BEND7: variants seen among roughly 807,000 people sequenced by gnomAD.
The protein encoded by BEND7 is BEN domain containing 7, also known as BEN domain-containing protein 7.
Under a neutral mutation model 50.9 loss-of-function variants are expected in BEND7, and 28 were observed. That is an observed-to-expected ratio of 0.55 (90% CI 0.41 to 0.75). BEND7 has a LOEUF of 0.75. Among genes scored for constraint, BEND7 ranks in the 30% least tolerant of loss-of-function variants. The pLI is 0.00. For missense variants in BEND7, 477 were observed against 491.3 expected, an observed-to-expected ratio of 0.97 and a Z score of 0.28; for synonymous variants, 170 against 183.9, an observed-to-expected ratio of 0.92 and a Z score of 0.61.
chr10:13,466,159 C>G (rs983999086), intron 6 of BEND7, among the ~76,000 whole-genome samples: 1 of 151,314 alleles, frequency 6.6e-6, no homozygotes, highest in Non-Finnish European at 1.5e-5. Context: ...ATGGTTACGT[C>G]GTATTTACTA....
intron 3 of BEND7, among the ~76,000 whole-genome samples, chr10:13,498,693 T>C (rs1005491207): frequency 6.6e-6 from 1 of 152,272 alleles, no homozygotes; most frequent in Non-Finnish European, 1.5e-5. Flanking sequence ...TTCAGCTTGT[T>C]ATAAATCATT....
chr10:13,492,680 G>T lies in BEND7; in HGVS notation c.768C>A (p.Ala256=). The T allele has an allele frequency of 6.2e-7, 1 of 1,614,170 alleles. No individual in the cohort carries two copies. Among genetic ancestry groups the T allele is most frequent in the South Asian group, 1.1e-5 (1 of 91,080 alleles). Residue 256 remains alanine, a synonymous_variant, in exon 5 of 9, where the codon GCC becomes GCA. Transcript: ENST00000466271. ...VASELSALQA[A]EHTSPEESRV... The stretch of plus-strand genomic sequence containing the variant: ...GGCTCTCCTCCGGGGAGGTGTGCTC[G>T]GCTGCCTGGAGAGCAGATAGCTCAG...
At chr10:13,502,266 T>A (rs753948261) in intron 2 of BEND7, among the ~76,000 whole-genome samples, 5 of 152,194 alleles carry the variant, frequency 3.3e-5, no homozygotes, top group Admixed American at 6.5e-5. Context: ...CTTTAGTTTT[T>A]AAAAATGATA....
At chr10:13,454,650 G>T (rs1838528780) in intron 6 of BEND7, among the ~76,000 whole-genome samples, 1 of 152,062 alleles carries the variant, frequency 6.6e-6, no homozygotes, top group African/African-American at 2.4e-5. Flanking sequence ...AGATACCAGA[G>T]CATACAACAG....
intron 2 of BEND7, among the ~76,000 whole-genome samples, chr10:13,503,471 G>A (rs953728283): frequency 6.6e-6 from 1 of 152,184 alleles, no homozygotes; most frequent in Non-Finnish European, 1.5e-5. Context: ...CCAGCACTTT[G>A]GGAGGCTGAC....
intron 6 of BEND7, among the ~76,000 whole-genome samples, chr10:13,469,536 G>A (rs1466115997): frequency 3.3e-5 from 5 of 152,174 alleles, no homozygotes; most frequent in Non-Finnish European, 7.3e-5. Context: ...GACTGCAGTG[G>A]CGTGATCTCG....
At chr10:13,440,202 C>T (rs1835152493), downstream of BEND7, among the ~76,000 whole-genome samples, 1 of 152,180 alleles carries the variant, frequency 6.6e-6, no homozygotes, top group Non-Finnish European at 1.5e-5. Context: ...GCCAGGATAC[C>T]TCAAAGCACC....
chr10:13,458,686 G>A lies in BEND7; in HGVS notation c.1064-6028C>T, dbSNP rs1416822696. 2.0e-5 allele frequency among the ~76,000 whole-genome samples: 3 copies of A among 152,324 alleles called. No individual in the cohort carries two copies. The South Asian group carries it at 6.2e-4, about 32-fold the overall frequency. ...CCTCATTAGATCTGCCAAACTCCTAGAGCTTGCAAAGGGACAAGGGACAAT... is the reference window on the plus strand; with the variant it reads ...CCTCATTAGATCTGCCAAACTCCTAAAGCTTGCAAAGGGACAAGGGACAAT... On this transcript the variant is annotated intron_variant, in intron 6 of 8. Coordinates refer to ENST00000466271, the MANE Select transcript of BEND7 (RefSeq NM_001369863.1).
At chr10:13,491,082 G>A (rs2076623399) in intron 5 of BEND7, among the ~76,000 whole-genome samples, 1 of 152,068 alleles carries the variant, frequency 6.6e-6, no homozygotes, top group South Asian at 2.1e-4. Context: ...GGGATTACAG[G>A]GGTAAGCCAC....
intron 6 of BEND7, among the ~76,000 whole-genome samples, chr10:13,460,730 C>A (rs970687357): frequency 2.6e-5 from 4 of 152,226 alleles, no homozygotes; most frequent in African/African-American, 9.6e-5. Flanking sequence ...GTTTTTCTCA[C>A]GTTTTTGTTG....
At position 13,520,483 on chromosome 10, in the gene BEND7, G is replaced by T. The variant is rs73572332; in HGVS notation, c.145+5655C>A. Among the ~76,000 whole-genome samples the T allele has an allele frequency of 5.9e-3, 905 of 152,162 alleles. 13 individuals are homozygous for T. Among genetic ancestry groups the T allele is most frequent in the African/African-American group, 0.021 (870 of 41,510 alleles). On this transcript the variant is annotated intron_variant, in intron 2 of 8. Coordinates refer to ENST00000466271, the MANE Select transcript of BEND7 (RefSeq NM_001369863.1). ...GTGCATACTAGACACTCAGTGAAGGGCTTTGCCTTGATTCTAGGCCCATGA... is the reference window on the plus strand; with the variant it reads ...GTGCATACTAGACACTCAGTGAAGGTCTTTGCCTTGATTCTAGGCCCATGA...
chr10:13,489,326 T>C (rs2076479500), intron 5 of BEND7, among the ~76,000 whole-genome samples: 1 of 152,148 alleles, frequency 6.6e-6, no homozygotes, highest in Non-Finnish European at 1.5e-5. Flanking sequence ...CAGCTGAAAC[T>C]TTCAGTTCTT....
At chr10:13,487,479 C>T (rs1186216026) in intron 5 of BEND7, among the ~76,000 whole-genome samples, 1 of 151,698 alleles carries the variant, frequency 6.6e-6, no homozygotes, top group Middle Eastern at 3.4e-3. Flanking sequence ...CTCTGCCTCC[C>T]AGGTTCAAGC....
At position 13,452,527 on chromosome 10, in the gene BEND7, C is replaced by A. The variant is rs745362571; in HGVS notation, c.1183+12G>T. On this transcript the variant is annotated intron_variant, in intron 7 of 8. Coordinates refer to ENST00000466271, the MANE Select transcript of BEND7 (RefSeq NM_001369863.1). ...GTGCTTCTCCAATTATTTTTCTGCA[C>A]CTTAGTCATACCTGAGCCTCTTTTT... The A allele has an allele frequency of 3.1e-6, 5 of 1,597,030 alleles. No homozygotes were observed. In the African/African-American group the frequency reaches 6.7e-5, roughly 22 times the overall value.
intron 6 of BEND7, among the ~76,000 whole-genome samples, chr10:13,456,739 A>G (rs1279984359): frequency 1.3e-5 from 2 of 152,152 alleles, no homozygotes; most frequent in Non-Finnish European, 2.9e-5. Flanking sequence ...ACTATAGTGC[A>G]TTTTTCTGAA....
chr10:13,457,355 TCA>T (rs1839210870), intron 6 of BEND7, among the ~76,000 whole-genome samples: 1 of 152,210 alleles, frequency 6.6e-6, no homozygotes, highest in Non-Finnish European at 1.5e-5. Context: ...AAATATTCTC[TCA>T]GTCACTAAAA....
intron 2 of BEND7, chr10:13,500,555 T>C (rs775131200): frequency 2.6e-5 from 26 of 990,040 alleles, no homozygotes; most frequent in Non-Finnish European, 3.0e-5. Flanking sequence ...GAAGAAAGCC[T>C]GGACTGGCAG....
intron 5 of BEND7, among the ~76,000 whole-genome samples, chr10:13,491,394 G>A (rs571866871): frequency 6.6e-5 from 10 of 150,484 alleles, no homozygotes; most frequent in Middle Eastern, 6.8e-3. Flanking sequence ...CTCTGTTTCC[G>A]AATATGTGAT....
At chr10:13,477,179 C>A (rs1472545606) in intron 6 of BEND7, among the ~76,000 whole-genome samples, 1 of 152,064 alleles carries the variant, frequency 6.6e-6, no homozygotes, top group African/African-American at 2.4e-5. Context: ...CTAATAATCA[C>A]TTTTGTTTGA....
Sources: allele counts gnomAD v4.1 joint callset (sites outside exome capture counted in the v4.1 genomes callset), GRCh38; gene constraint gnomAD v4.1.1; transcripts MANE v1.5; gene names NCBI Gene and HGNC (gene_info 2026-07-23, HGNC 2026-07-21).